The following PRKG1 variants were observed in gnomAD, a reference collection of about 807,000 sequenced individuals.
PRKG1 encodes protein kinase cGMP-dependent 1, also known as cGMP-dependent protein kinase 1.
A neutral mutation model predicts 88.1 loss-of-function variants in PRKG1; 35 were observed. The ratio of observed to expected loss-of-function variants is 0.40; its 90% confidence interval spans 0.30 to 0.53. The LOEUF is 0.53. Ranked by LOEUF, PRKG1 falls within the 20% of genes least tolerant of loss-of-function variation. PRKG1 has a pLI of 0.59. For missense variants in PRKG1, 540 were observed against 839.8 expected, an observed-to-expected ratio of 0.64 and a Z score of 4.41; for synonymous variants, 303 against 292.5, an observed-to-expected ratio of 1.04 and a Z score of -0.37.
intron 1 of PRKG1, among the ~76,000 whole-genome samples, chr10:51,017,299 A>G (rs1159663766): frequency 1.3e-5 from 2 of 151,838 alleles, no homozygotes; most frequent in Non-Finnish European, 1.5e-5. Flanking sequence ...TTTTTTACAA[A>G]TTTTCCGTTT....
At chr10:51,295,516 C>A (rs1245124397) in intron 2 of PRKG1, among the ~76,000 whole-genome samples, 1 of 151,960 alleles carries the variant, frequency 6.6e-6, no homozygotes, top group Non-Finnish European at 1.5e-5. Flanking sequence ...TTAGTTCTAA[C>A]ATTTTTTTTC....
chr10:51,591,673 C>T (rs1445488853), intron 3 of PRKG1, among the ~76,000 whole-genome samples: 4 of 152,106 alleles, frequency 2.6e-5, no homozygotes, highest in Non-Finnish European at 4.4e-5. Context: ...AAAGCATCTT[C>T]CGTAAAAACT....
chr10:51,041,419 C>T (rs1183847900), intron 1 of PRKG1, among the ~76,000 whole-genome samples: 1 of 152,172 alleles, frequency 6.6e-6, no homozygotes, highest in Non-Finnish European at 1.5e-5. Flanking sequence ...CACGGCTGGG[C>T]ATGTGCTGGG....
intron 2 of PRKG1, among the ~76,000 whole-genome samples, chr10:51,428,585 G>A (rs759031162): frequency 1.1e-4 from 17 of 152,224 alleles, no homozygotes; most frequent in Middle Eastern, 3.4e-3. Context: ...TAAGAAAAAC[G>A]GCTGAACCCT....
At chr10:51,349,509 C>CTT (rs71029360) in intron 2 of PRKG1, among the ~76,000 whole-genome samples, 37 of 121,694 alleles carry the variant, frequency 3.0e-4, no homozygotes, top group African/African-American at 1.0e-3. Flanking sequence ...TGTATGTGTC[C>CTT]TTTTTTTTTT....
intron 3 of PRKG1, among the ~76,000 whole-genome samples, chr10:51,586,068 C>G (rs759086662): frequency 6.6e-6 from 1 of 152,064 alleles, no homozygotes; most frequent in Non-Finnish European, 1.5e-5. Context: ...TACCCCAAGC[C>G]TCGGTATCAC....
intron 2 of PRKG1, among the ~76,000 whole-genome samples, chr10:51,389,565 A>G (rs1415995422): frequency 6.6e-6 from 1 of 152,130 alleles, no homozygotes; most frequent in African/African-American, 2.4e-5. Flanking sequence ...CTAGGTTTGC[A>G]CTTTCACCCT....
At chr10:51,057,743 T>C (rs1301558480) in intron 1 of PRKG1, among the ~76,000 whole-genome samples, 1 of 152,200 alleles carries the variant, frequency 6.6e-6, no homozygotes, top group South Asian at 2.1e-4. Context: ...TGGATTAATA[T>C]ATATTTATCT....
chr10:51,143,110 G>A (rs1384338711), intron 1 of PRKG1, among the ~76,000 whole-genome samples: 1 of 151,870 alleles, frequency 6.6e-6, no homozygotes, highest in Non-Finnish European at 1.5e-5. Flanking sequence ...TGTAAACTGT[G>A]ACCAACATCT....
chr10:51,620,984 T>C (rs1839190216), intron 3 of PRKG1, among the ~76,000 whole-genome samples: 2 of 104,200 alleles, frequency 1.9e-5, no homozygotes, highest in South Asian at 7.9e-4. Flanking sequence ...CGTATATGTA[T>C]GTGTGTGTGT....
chr10:52,225,647 T>G (rs925013435), intron 9 of PRKG1, among the ~76,000 whole-genome samples: 1 of 152,202 alleles, frequency 6.6e-6, no homozygotes, highest in Admixed American at 6.5e-5. Flanking sequence ...TTAATCCATC[T>G]TGAGTTGATT....
intron 3 of PRKG1, among the ~76,000 whole-genome samples, chr10:51,559,100 C>T (rs1381602214): frequency 6.6e-6 from 1 of 152,002 alleles, no homozygotes; most frequent in African/African-American, 2.4e-5. Context: ...ATAAATTAAA[C>T]TATCACAGAT....
chr10:51,597,458 T>A (rs1661161163), intron 3 of PRKG1, among the ~76,000 whole-genome samples: 1 of 152,216 alleles, frequency 6.6e-6, no homozygotes, highest in Non-Finnish European at 1.5e-5. Flanking sequence ...GGGAATGATC[T>A]GTTTCAACTA....
intron 1 of PRKG1, among the ~76,000 whole-genome samples, chr10:51,016,668 C>CTTTTTTTTTTTTTTT: frequency 3.8e-5 from 1 of 26,296 alleles, no homozygotes; most frequent in Non-Finnish European, 7.4e-5. Context: ...GTATTATTAT[C>CTTTTTTTTTTTTTTT]CTTTCTTTTT....
intron 3 of PRKG1, among the ~76,000 whole-genome samples, chr10:51,749,055 A>G (rs1320407249): frequency 1.3e-5 from 2 of 152,202 alleles, no homozygotes; most frequent in African/African-American, 2.4e-5. Flanking sequence ...ATGAACTTGC[A>G]TAGAAGTGCC....
chr10:51,849,559 C>A (rs150014671), intron 4 of PRKG1, among the ~76,000 whole-genome samples: 1 of 152,206 alleles, frequency 6.6e-6, no homozygotes, highest in African/African-American at 2.4e-5. Flanking sequence ...ATCCAGAGAT[C>A]TCTTCTATCC....
At chr10:51,954,799 T>G (rs1229766002) in intron 5 of PRKG1, among the ~76,000 whole-genome samples, 1 of 152,184 alleles carries the variant, frequency 6.6e-6, no homozygotes, top group Non-Finnish European at 1.5e-5. Context: ...TTGGTATTGC[T>G]TATGGTTTCT....
At chr10:51,534,010 A>C (rs1225376463) in intron 3 of PRKG1, among the ~76,000 whole-genome samples, 1 of 152,222 alleles carries the variant, frequency 6.6e-6, no homozygotes, top group Non-Finnish European at 1.5e-5. Flanking sequence ...AACTCGGATG[A>C]TCTTCCATAT....
Position 51,485,310 on chromosome 10 carries a change from T to C in PRKG1, c.592+17474T>C, listed in dbSNP as rs145746423. 1.3e-4 allele frequency among the ~76,000 whole-genome samples: 20 copies of C among 152,338 alleles called. No individual in the cohort carries two copies. In the East Asian group the frequency reaches 3.7e-3, roughly 28 times the overall value. On this transcript the variant is annotated intron_variant, in intron 3 of 17. Transcript: ENST00000373980. Reference sequence around the variant, plus strand: ...GTTCCAATTATTGGGAAGAAACTACTTGGAATTCTTCACAGGATAAGTGAT... The same window carrying C: ...GTTCCAATTATTGGGAAGAAACTACCTGGAATTCTTCACAGGATAAGTGAT...
Sources: allele counts gnomAD v4.1 joint callset (sites outside exome capture counted in the v4.1 genomes callset), GRCh38; gene constraint gnomAD v4.1.1; transcripts MANE v1.5; gene names NCBI Gene and HGNC (gene_info 2026-07-23, HGNC 2026-07-21).